Variants in LRRC7 observed in about 807,000 individuals in gnomAD.
The protein encoded by LRRC7 is leucine rich repeat containing 7.
A neutral mutation model predicts 175.7 loss-of-function variants in LRRC7; 23 were observed. The ratio of observed to expected loss-of-function variants is 0.13; its 90% CI spans 0.09 to 0.19. The LOEUF is 0.19. Ranked by LOEUF, LRRC7 falls within the 10% of genes least tolerant of loss-of-function variation. The probability of loss-of-function intolerance (pLI) is 1.00; values close to 1 mark genes in which losing one functional copy is unlikely to be tolerated. For missense variants in LRRC7, 1,354 were observed against 1,904.7 expected (o/e 0.71, Z 5.38); for synonymous variants, 685 against 680.9 (o/e 1.01, Z -0.09).
At chr1:70,078,250 G>A (rs1662930332) in intron 24 of LRRC7, among the ~76,000 whole-genome samples, 1 of 152,138 alleles carries the variant, frequency 6.6e-6, no homozygotes, top group African/African-American at 2.4e-5. Flanking sequence ...AAAGCCTAAA[G>A]GCATTTAAAC....
At position 70,127,600 on chromosome 1, in the gene LRRC7, C is replaced by T. The variant is rs1231435485; in HGVS notation, c.*5713C>T. ...AGAGTCTTCCCAGTTGGGTTCTGAG[C>T]TCATGCTCTTTGTAACAACACACTG... On this transcript the variant is annotated 3_prime_UTR_variant, in exon 27 of 27. Transcript: ENST00000651989. Among the ~76,000 whole-genome samples, 1 of 152,170 alleles carries T rather than the reference C, an allele frequency of 6.6e-6. No homozygotes were observed. The highest frequency in any genetic ancestry group is 2.4e-5 in the African/African-American group (1 of 41,426).
chr1:69,911,890 G>A (rs912385799), intron 7 of LRRC7, among the ~76,000 whole-genome samples: 6 of 151,662 alleles, frequency 4.0e-5, no homozygotes, highest in African/African-American at 9.7e-5. Context: ...GTAAAAGCAC[G>A]GTTAGACCTC....
At chr1:69,762,473 A>G (rs757506663) in intron 3 of LRRC7, among the ~76,000 whole-genome samples, 1 of 151,994 alleles carries the variant, frequency 6.6e-6, no homozygotes, top group African/African-American at 2.4e-5. Flanking sequence ...TTGGAGAAGT[A>G]AGGGAAGAAC....
intron 1 of LRRC7, among the ~76,000 whole-genome samples, chr1:69,591,085 A>C (rs1451634380): frequency 1.3e-5 from 2 of 152,132 alleles, no homozygotes; most frequent in Non-Finnish European, 2.9e-5. Flanking sequence ...AATTGGAAAA[A>C]TTAATTCTAA....
At chr1:69,866,350 G>A (rs555544673) in intron 7 of LRRC7, among the ~76,000 whole-genome samples, 100 of 152,280 alleles carry the variant, frequency 6.6e-4, no homozygotes, top group Non-Finnish European at 1.0e-3. Context: ...GAGGACTAGG[G>A]TCTGCAAGTG....
intron 1 of LRRC7, among the ~76,000 whole-genome samples, chr1:69,640,639 ATT>A (rs67002189): frequency 5.4e-5 from 8 of 148,494 alleles, no homozygotes; most frequent in Non-Finnish European, 1.0e-4. Context: ...CTCTTTTGTC[ATT>A]TTTTTTTAAT....
Position 69,691,171 on chromosome 1 carries a change from A to G in LRRC7, c.100+12693A>G, listed in dbSNP as rs567538226. Among the ~76,000 whole-genome samples the G allele has an allele frequency of 4.6e-5, 7 of 152,308 alleles. No individual in the cohort carries two copies. In the East Asian group the frequency reaches 5.8e-4, roughly 13 times the overall value. On this transcript the variant is annotated intron_variant, in intron 2 of 26. Coordinates refer to ENST00000651989, the MANE Select transcript of LRRC7 (RefSeq NM_001370785.2). Reference sequence around the variant, plus strand: ...AGGGCAAGCTGGCCTAGTGTTTAACATTGAATGGGCTGAAAGTTTGGTTTA... The same window carrying G: ...AGGGCAAGCTGGCCTAGTGTTTAACGTTGAATGGGCTGAAAGTTTGGTTTA...
intron 3 of LRRC7, among the ~76,000 whole-genome samples, chr1:69,778,211 T>C (rs1028369155): frequency 2.6e-5 from 4 of 152,190 alleles, no homozygotes; most frequent in Non-Finnish European, 5.9e-5. Flanking sequence ...TGCCTCCATA[T>C]TACCATGTAT....
intron 24 of LRRC7, among the ~76,000 whole-genome samples, chr1:70,084,476 G>A (rs533116760): frequency 6.6e-6 from 1 of 152,240 alleles, no homozygotes; most frequent in Non-Finnish European, 1.5e-5. Context: ...GCATGTATCA[G>A]TATTTCATTC....
intron 2 of LRRC7, among the ~76,000 whole-genome samples, chr1:69,737,701 A>G (rs1435702017): frequency 2.6e-5 from 4 of 152,016 alleles, no homozygotes; most frequent in African/African-American, 4.8e-5. Flanking sequence ...AAGGTCTTCC[A>G]GTGTTAGACA....
At chr1:69,820,689 A>C (rs1679183167) in intron 4 of LRRC7, among the ~76,000 whole-genome samples, 1 of 151,650 alleles carries the variant, frequency 6.6e-6, no homozygotes, top group African/African-American at 2.4e-5. Context: ...AAGGACATGA[A>C]CTCATCCTTT....
At chr1:70,002,949 T>C (rs567739630) in intron 11 of LRRC7, among the ~76,000 whole-genome samples, 2 of 152,292 alleles carry the variant, frequency 1.3e-5, no homozygotes, top group East Asian at 1.9e-4. Flanking sequence ...AATGTAGTAA[T>C]AGTACAATGT....
At chr1:70,037,564 T>C (rs1440874643) in intron 20 of LRRC7, among the ~76,000 whole-genome samples, 1 of 152,296 alleles carries the variant, frequency 6.6e-6, no homozygotes, top group African/African-American at 2.4e-5. Flanking sequence ...ATAAAAGTCA[T>C]CTGAAGACAA....
chr1:69,622,058 A>G (rs546632578), intron 1 of LRRC7, among the ~76,000 whole-genome samples: 7 of 152,340 alleles, frequency 4.6e-5, no homozygotes, highest in African/African-American at 7.2e-5. Context: ...AAATTAGACT[A>G]GTAACTTCCT....
rs527709293 is a variant in LRRC7 at position 69,668,773 on chromosome 1, G to A, written c.3-9608G>A. On this transcript the variant is annotated intron_variant, in intron 1 of 26. Coordinates refer to ENST00000651989, the MANE Select transcript of LRRC7 (RefSeq NM_001370785.2). Reference sequence around the variant, plus strand: ...TTACATGCCCACCAACAGTGTAAAAGCATTCCTATTTCTCCACATCCTCTC... The same window carrying A: ...TTACATGCCCACCAACAGTGTAAAAACATTCCTATTTCTCCACATCCTCTC... Among the ~76,000 whole-genome samples, 9 of 152,308 alleles carry A rather than the reference G, an allele frequency of 5.9e-5. 2 individuals are homozygous for A. In the South Asian group the frequency reaches 1.9e-3, roughly 32 times the overall value.
intron 2 of LRRC7, among the ~76,000 whole-genome samples, chr1:69,718,777 A>G (rs1184389203): frequency 2.6e-5 from 4 of 151,768 alleles, no homozygotes; most frequent in Non-Finnish European, 4.4e-5. Context: ...AAGAAACCAA[A>G]GAAGCCAAGA....
At position 69,856,772 on chromosome 1, in the gene LRRC7, C is replaced by A. The variant is rs186430554; in HGVS notation, c.647+18489C>A. Among the ~76,000 whole-genome samples, 628 of 152,276 alleles carry A rather than the reference C, an allele frequency of 4.1e-3. 5 individuals carry two copies. The highest frequency in any genetic ancestry group is 0.014 in the African/African-American group (573 of 41,562). On this transcript the variant is annotated intron_variant, in intron 7 of 26. Transcript: ENST00000651989. The stretch of plus-strand genomic sequence containing the variant: ...TCCCTAACTCGTTTTATGAGGCCAG[C>A]ATCATCCTGATACCAAAGCCTGGCA...
intron 2 of LRRC7, among the ~76,000 whole-genome samples, chr1:69,749,127 A>G (rs777005690): frequency 1.3e-5 from 2 of 152,178 alleles, no homozygotes; most frequent in African/African-American, 4.8e-5. Context: ...GTATATTTGC[A>G]TATTTAAATA....
intron 2 of LRRC7, among the ~76,000 whole-genome samples, chr1:69,708,496 T>G (rs560522619): frequency 6.6e-6 from 1 of 152,210 alleles, no homozygotes; most frequent in Non-Finnish European, 1.5e-5. Context: ...TTCACTAAAC[T>G]GTTACCACCT....
Sources: gnomAD v4.1 joint callset for allele counts (sites outside exome capture counted in the v4.1 genomes callset) on GRCh38, gnomAD v4.1.1 for gene constraint, MANE v1.5 for transcripts, NCBI Gene and HGNC (gene_info 2026-07-23, HGNC 2026-07-21) for gene names.